The following TRDN variants were observed in gnomAD, a reference collection of about 807,000 sequenced individuals.
TRDN encodes triadin in skeletal muscle.
Under a neutral mutation model 149.7 loss-of-function variants are expected in TRDN, and 161 were observed. The observed-to-expected ratio is 1.08, with a 90% CI of 0.95 to 1.23. The LOEUF is 1.23. Ranked by LOEUF, TRDN falls within the 50% of genes most tolerant of loss-of-function variation. The probability of loss-of-function intolerance (pLI) is 0.00; values close to 1 mark genes in which losing one functional copy is unlikely to be tolerated. For synonymous variants in TRDN, 294 were observed against 250.5 expected, an observed-to-expected ratio of 1.17 and a Z score of -1.64; for missense variants, 896 against 823.5, an observed-to-expected ratio of 1.09 and a Z score of -1.08.
At chr6:123,575,088 C>T (rs1296650997) in intron 1 of TRDN, among the ~76,000 whole-genome samples, 2 of 151,354 alleles carry the variant, frequency 1.3e-5, no homozygotes, top group South Asian at 4.2e-4. Context: ...TAAATTAATA[C>T]TGTTATGTTT....
chr6:123,525,175 C>A lies in TRDN; in HGVS notation c.484+5331G>T, dbSNP rs563550248. On this transcript the variant is annotated intron_variant, in intron 5 of 40. Transcript: ENST00000334268. ...CTTAAAGAAGTAAAAATAAAACTAC[C>A]ATTTGACCCAGCAATGCCACTATGA... is the stretch of plus-strand genomic sequence containing the variant. 2.0e-5 allele frequency among the ~76,000 whole-genome samples: 3 copies of A among 152,048 alleles called. 1 individual carries two copies. The South Asian group carries it at 6.2e-4, about 32-fold the overall frequency.
At position 123,260,722 on chromosome 6, in the gene TRDN, C is replaced by T. The variant is rs1049152839; in HGVS notation, c.1805-84G>A. ...GTATAGTTTTTTATTCAGTAGCAAA[C>T]AATTGAAACTTATCTTCTGATATTT... On this transcript the variant is annotated intron_variant, in intron 33 of 40. Coordinates refer to ENST00000334268, the MANE Select transcript of TRDN (RefSeq NM_006073.4). 1.2e-5 allele frequency: 13 copies of T among 1,082,280 alleles called. No individual in the cohort carries two copies. The African/African-American group carries it at 1.7e-4, about 14-fold the overall frequency. 67.0% of individuals were successfully genotyped at this position (1,082,280 alleles called of 1,614,324 possible).
intron 1 of TRDN, among the ~76,000 whole-genome samples, chr6:123,635,017 C>A (rs150752592): frequency 6.6e-6 from 1 of 151,960 alleles, no homozygotes; most frequent in African/African-American, 2.4e-5. Flanking sequence ...GAATCAAATG[C>A]AAGTTCTACA....
chr6:123,362,367 C>G (rs570551561), intron 20 of TRDN, among the ~76,000 whole-genome samples: 6 of 152,232 alleles, frequency 3.9e-5, no homozygotes, highest in African/African-American at 1.4e-4. Flanking sequence ...TATATACTTA[C>G]AATTTTTCAT....
intron 20 of TRDN, 125 bp downstream of exon 20, chr6:123,366,010 C>T (rs1781085849): frequency 1.3e-6 from 1 of 772,964 alleles, no homozygotes; most frequent in Admixed American, 3.0e-5. Flanking sequence ...AGGTTTGTTT[C>T]TATATCAACG....
intron 1 of TRDN, among the ~76,000 whole-genome samples, chr6:123,585,726 T>C (rs12199376): frequency 0.51 from 77,527 of 151,684 alleles, 19,971 homozygotes; most frequent in Non-Finnish European, 0.53. Context: ...TTCCTTGGCC[T>C]GGTGGCCAGA....
chr6:123,252,463 T>A, intron 37 of TRDN, 28 bp from the exon 38 acceptor site: 1 of 1,329,764 alleles, frequency 7.5e-7, no homozygotes, highest in Non-Finnish European at 1.0e-6. Context: ...ATAAGTTTTG[T>A]TTAACTGAGA....
At chr6:123,488,185 C>G (rs766531598) in intron 9 of TRDN, among the ~76,000 whole-genome samples, 16 of 152,150 alleles carry the variant, frequency 1.1e-4, no homozygotes, top group Non-Finnish European at 1.5e-5. Flanking sequence ...ACTTGATTAT[C>G]TAGCTGCTTA....
At chr6:123,456,856 G>A (rs1203534024) in intron 10 of TRDN, 1 of 455,972 alleles carries the variant, frequency 2.2e-6, no homozygotes, top group East Asian at 6.9e-5. Flanking sequence ...ATTCTAGAGA[G>A]GGAAAGGATG....
chr6:123,622,110 C>G (rs1011490516), intron 1 of TRDN, among the ~76,000 whole-genome samples: 1 of 152,122 alleles, frequency 6.6e-6, no homozygotes, highest in African/African-American at 2.4e-5. Context: ...TCTGCCACCA[C>G]TGGGACAGCA....
intron 20 of TRDN, among the ~76,000 whole-genome samples, chr6:123,356,099 C>A (rs977012489): frequency 6.6e-6 from 1 of 151,596 alleles, no homozygotes; most frequent in Non-Finnish European, 1.5e-5. Flanking sequence ...TCTCTATTTG[C>A]ATATTTATGA....
At chr6:123,458,417 T>A (rs1015520146) in intron 10 of TRDN, among the ~76,000 whole-genome samples, 1 of 152,180 alleles carries the variant, frequency 6.6e-6, no homozygotes, top group Non-Finnish European at 1.5e-5. Context: ...ATGGGCCTTG[T>A]CTAATCAGTT....
intron 23 of TRDN, among the ~76,000 whole-genome samples, chr6:123,325,684 C>T (rs532217160): frequency 6.6e-6 from 1 of 152,192 alleles, no homozygotes; most frequent in Admixed American, 6.5e-5. Context: ...CAAAACTCCA[C>T]CTTTTTATGT....
At position 123,464,965 on chromosome 6, in the gene TRDN, G is replaced by A. The variant is rs530972011; in HGVS notation, c.872C>T (p.Pro291Leu). 5.0e-6 allele frequency: 8 copies of A among 1,597,640 alleles called. No individual in the cohort carries two copies. The Admixed American group carries it at 7.0e-5, about 14-fold the overall frequency. Reference sequence around the variant, plus strand: ...AGCTTGTTCTGTCGGTAAGGGAGGTGGAATGGCTGGGCTTTGTCCTACACA... The same window carrying A: ...AGCTTGTTCTGTCGGTAAGGGAGGTAGAATGGCTGGGCTTTGTCCTACACA... ...DLKPGQSPAI[P>L]PPLPTEQASR... The change falls in exon 10 of 41, where the codon CCA becomes CTA. Residue 291 changes from proline (P) to leucine (L), a missense_variant. Physicochemically the swap from Pro to Leu is moderately conservative, Grantham distance 98. Coordinates refer to ENST00000334268, the MANE Select transcript of TRDN (RefSeq NM_006073.4).
intron 14 of TRDN, among the ~76,000 whole-genome samples, chr6:123,384,501 A>G (rs1384188879): frequency 6.6e-6 from 1 of 152,202 alleles, no homozygotes; most frequent in African/African-American, 2.4e-5. Flanking sequence ...GAAACATGGC[A>G]TATTAGAACA....
chr6:123,294,958 A>C (rs927531218), intron 24 of TRDN, among the ~76,000 whole-genome samples: 1 of 152,130 alleles, frequency 6.6e-6, no homozygotes, highest in Non-Finnish European at 1.5e-5. Context: ...GTTACAGAAA[A>C]TGAATCTTAC....
Position 123,535,846 on chromosome 6 carries a change from T to C in TRDN, c.425-5281A>G, listed in dbSNP as rs910280973. ...TGAAAGATGTTATAAATCTATAGTA[T>C]ACTAATATAATTAAAATATCATGCA... On this transcript the variant is annotated intron_variant, in intron 4 of 40. Transcript: ENST00000334268. Among the ~76,000 whole-genome samples the C allele has an allele frequency of 3.9e-5, 6 of 152,246 alleles. 1 individual carries two copies. The highest frequency in any genetic ancestry group is 3.9e-4 in the Admixed American group (6 of 15,288).
At chr6:123,634,762 C>CA (rs11438958) in intron 1 of TRDN, among the ~76,000 whole-genome samples, 29,574 of 149,414 alleles carry the variant, frequency 0.2, 6,445 homozygotes, top group African/African-American at 0.55. Flanking sequence ...TTCCAGAAAA[C>CA]AAAAAAAAAT....
intron 9 of TRDN, among the ~76,000 whole-genome samples, chr6:123,483,303 C>T (rs1777844486): frequency 6.6e-6 from 1 of 151,502 alleles, no homozygotes; most frequent in Admixed American, 6.6e-5. Flanking sequence ...GGGGTTTCAC[C>T]GTGTTAGCCA....
Sources: gnomAD v4.1 joint callset for allele counts (sites outside exome capture counted in the v4.1 genomes callset) on GRCh38, gnomAD v4.1.1 for gene constraint, MANE v1.5 for transcripts, NCBI Gene and HGNC (gene_info 2026-07-23, HGNC 2026-07-21) for gene names.